The following BAP1 variants were observed in gnomAD, a reference collection of about 807,000 sequenced individuals.
The protein encoded by BAP1 is ubiquitin carboxyl-terminal hydrolase BAP1.
BAP1 carries 16 observed loss-of-function variants against 77.2 expected under a neutral mutation model. The observed-to-expected ratio is 0.21, with a 90% CI of 0.14 to 0.31. The LOEUF (loss-of-function observed/expected upper bound fraction) is 0.31. Ranked by LOEUF, BAP1 falls within the 10% of genes least tolerant of loss-of-function variation. The probability of loss-of-function intolerance (pLI) is 1.00; values close to 1 mark genes in which losing one functional copy is unlikely to be tolerated. For synonymous variants in BAP1, 362 were observed against 385.2 expected, an observed-to-expected ratio of 0.94 and a Z score of 0.71; for missense variants, 699 against 967.3, an observed-to-expected ratio of 0.72 and a Z score of 3.68.
Position 52,402,815 on chromosome 3 carries a change from G to A in BAP1, c.1947C>T (p.Cys649=), listed in dbSNP as rs1041287605. 6 of 1,614,188 alleles carry A rather than the reference G, an allele frequency of 3.7e-6. No homozygotes were observed. Among genetic ancestry groups the A allele is most frequent in the Non-Finnish European group, 5.1e-6 (6 of 1,180,042 alleles). The part of the protein sequence containing the change: ...VEAEIANYEA[C]LKEEVEKRKK... ...TCCTCTTCTCTACCTCCTCCTTGAG[G>A]CACGCCTCATAGTTTGCAATCTCAG... is the stretch of plus-strand genomic sequence containing the variant. Residue 649 remains cysteine, a synonymous_variant, in exon 15 of 17, where the codon TGC becomes TGT. Transcript: ENST00000460680. This position sits in a 1 kb window ranked among gnomAD's most constrained non-coding sequence, Gnocchi z 5.3.
intron 11 of BAP1, 94 bp from the exon 12 acceptor site, chr3:52,404,680 C>T (rs1705093227): frequency 2.6e-6 from 4 of 1,529,704 alleles, no homozygotes; most frequent in East Asian, 4.8e-5. Flanking sequence ...ACATGGTTTT[C>T]CAGACTGAGT....
rs772835408 is a variant in BAP1, at chr3:52,403,201, G to A, written c.1827C>T (p.Ser609=). Reference sequence around the variant, plus strand: ...GCCTCACCATCCCCGTCTTCTCTCTGCTGTCCGTGGCTTCCACGACCTCCT... The same window carrying A: ...GCCTCACCATCCCCGTCTTCTCTCTACTGTCCGTGGCTTCCACGACCTCCT... ...VEKEVVEATD[S]REKTGMVRPG... is the part of the protein sequence containing the mutation. The change falls in exon 14 of 17, where the codon AGC becomes AGT. Residue 609 remains serine (S), a synonymous_variant. Coordinates refer to ENST00000460680, the MANE Select transcript of BAP1 (RefSeq NM_004656.4). This position sits in a 1 kb window ranked among gnomAD's most constrained non-coding sequence, Gnocchi z 4.0. The A allele has an allele frequency of 1.1e-5, 17 of 1,614,142 alleles. No individual in the cohort carries two copies. The highest frequency in any genetic ancestry group is 1.4e-5 in the Non-Finnish European group (17 of 1,180,034).
Position 52,405,305 on chromosome 3 carries a change from G to A in BAP1, c.932-11C>T, listed in dbSNP as rs1223999018. The A allele has an allele frequency of 5.0e-6, 8 of 1,613,288 alleles. No individual in the cohort carries two copies. The highest frequency in any genetic ancestry group is 1.7e-5 in the Admixed American group (1 of 60,006). Reference sequence around the variant, plus strand: ...CCTCCTCTGCACCATCTGAGACAGGGCAAGAACACAGGCAGGACCTCCAGT... The same window carrying A: ...CCTCCTCTGCACCATCTGAGACAGGACAAGAACACAGGCAGGACCTCCAGT... On this transcript the variant is annotated splice_polypyrimidine_tract_variant and intron_variant, in intron 10 of 16. Coordinates refer to ENST00000460680, the MANE Select transcript of BAP1 (RefSeq NM_004656.4).
rs2153226334 is a variant in BAP1 at position 52,402,858 on chromosome 3, A to T, written c.1904T>A (p.Leu635Gln). 6.2e-7 allele frequency: 1 copy of T among 1,614,172 alleles called. No homozygotes were observed. Among genetic ancestry groups the T allele is most frequent in the Non-Finnish European group, 8.5e-7 (1 of 1,180,028 alleles). ...AATCTCAGCCTCCACACACTTCAGCAGTGCCAGCAGCTCCTGCCAAAACCC... is the reference window on the plus strand; with the variant it reads ...AATCTCAGCCTCCACACACTTCAGCTGTGCCAGCAGCTCCTGCCAAAACCC... ...EKYSPKELLA[L>Q]LKCVEAEIAN... Residue 635 changes from leucine (L) to glutamine (Q), a missense_variant, in exon 15 of 17, where the codon CTG becomes CAG. Physicochemically the swap from Leu to Gln is moderately radical, Grantham distance 113 (BLOSUM62 -2). This residue lies in a region of BAP1 where 475 missense variants were observed against 532.4 expected (regional missense o/e 0.89). Transcript: ENST00000460680. This position sits in a 1 kb window ranked among gnomAD's most constrained non-coding sequence, Gnocchi z 5.3.
rs1193212091 is a variant in BAP1 at position 52,406,900 on chromosome 3, C to A, written c.588G>T (p.Trp196Cys). 1.3e-6 allele frequency: 2 copies of A among 1,571,620 alleles called. No homozygotes were observed. Among genetic ancestry groups the A allele is most frequent in the Non-Finnish European group, 1.7e-6 (2 of 1,157,470 alleles). The change falls in exon 8 of 17, where the codon TGG (tryptophan) becomes TGT (cysteine). Residue 196 changes from tryptophan to cysteine, a missense_variant. By Grantham distance (215) the Trp-to-Cys change is radical (BLOSUM62 -2). Around this residue, in one of 3 missense-constraint regions of BAP1, gnomAD observed 160 missense variants for 322.8 expected, o/e 0.50. Coordinates refer to ENST00000460680, the MANE Select transcript of BAP1 (RefSeq NM_004656.4). The surrounding 1 kb of genome is among the most constrained non-coding windows in gnomAD (Gnocchi z 4.6). ...TGTCTGTCCACTCCTCGTCCTCCCCCCAGGGCCCTAGTGGAGACCAAGACA... is the reference window on the plus strand; with the variant it reads ...TGTCTGTCCACTCCTCGTCCTCCCCACAGGGCCCTAGTGGAGACCAAGACA... ...LKVYPIDHGP[W>C]GEDEEWTDKA... is the part of the protein sequence containing the mutation.
Position 52,402,487 on chromosome 3 carries a change from G to A in BAP1, c.2057-66C>T. ...TCAGGCCAGGAGCTGAGGCTCTCAT[G>A]GCCCTCCCTGTGCCCCAAGGTCTGC... On this transcript the variant is annotated intron_variant, in intron 16 of 16. Transcript: ENST00000460680. The surrounding 1 kb of genome is among the most constrained non-coding windows in gnomAD (Gnocchi z 5.3). 6.3e-7 allele frequency: 1 copy of A among 1,596,322 alleles called. No individual in the cohort carries two copies. Among genetic ancestry groups the A allele is most frequent in the South Asian group, 1.1e-5 (1 of 89,242 alleles).
rs1264275534 is a variant in BAP1 at position 52,409,604 on chromosome 3, G to T, written c.72C>A (p.Val24=). 4 of 1,613,962 alleles carry T rather than the reference G, an allele frequency of 2.5e-6. No individual in the cohort carries two copies. The highest frequency in any genetic ancestry group is 1.7e-5 in the Admixed American group (1 of 59,998). ...AGATCTCCTCCACTTGCACCCCCTT[G>T]ACACCTGCGATGAGGAAAGGAAAGC... ...LFTLLVEDFG[V]KGVQVEEIYD... Residue 24 remains valine, a synonymous_variant, in exon 3 of 17, where the codon GTC becomes GTA. Coordinates refer to ENST00000460680, the MANE Select transcript of BAP1 (RefSeq NM_004656.4).
In BAP1 at chr3:52,401,680, C is replaced by T. The variant is rs1184670519; in HGVS notation, c.*608G>A. ...CAACCCCACTGGGACACCCTACTCCCAACCCAGCCCAGTGCTGGGTCCCTG... is the reference window on the plus strand; with the variant it reads ...CAACCCCACTGGGACACCCTACTCCTAACCCAGCCCAGTGCTGGGTCCCTG... On this transcript the variant is annotated 3_prime_UTR_variant, in exon 17 of 17. Coordinates refer to ENST00000460680, the MANE Select transcript of BAP1 (RefSeq NM_004656.4). The T allele has an allele frequency of 1.3e-5, 3 of 238,152 alleles. No individual in the cohort carries two copies. The highest frequency in any genetic ancestry group is 2.5e-5 in the Non-Finnish European group (3 of 120,982). The allele number at this position is 238,152 out of a possible 1,614,324, so 14.8% of individuals were successfully genotyped here.
chr3:52,405,492 G>GAAAAAAAAA (rs71084182), intron 10 of BAP1, 198 bp from the exon 11 acceptor site: 23 of 81,248 alleles, frequency 2.8e-4, no homozygotes, highest in South Asian at 1.3e-3. Flanking sequence ...GAAGCAGGAA[G>GAAAAAAAAA]AAAAAAAAAA....
rs1477957634 is a variant in BAP1 at position 52,402,411 on chromosome 3, G to A, written c.2067C>T (p.Ala689=). Residue 689 remains alanine, a synonymous_variant, in exon 17 of 17, where the codon GCC becomes GCT. Transcript: ENST00000460680. The surrounding 1 kb of genome is among the most constrained non-coding windows in gnomAD (Gnocchi z 5.3). ...ISMLAQEGML[A]NLVEQNISVR... is the part of the protein sequence containing the mutation. ...CGGAGATGTTCTGCTCCACTAGGTTGGCCAGCATGCCTGCGAAGAGGTAGA... is the reference window on the plus strand; with the variant it reads ...CGGAGATGTTCTGCTCCACTAGGTTAGCCAGCATGCCTGCGAAGAGGTAGA... The A allele has an allele frequency of 1.3e-6, 2 of 1,567,364 alleles. No homozygotes were observed.
Position 52,401,960 on chromosome 3 carries a change from T to TA in BAP1, c.*327dup. 1 of 462,866 alleles carries TA rather than the reference T, an allele frequency of 2.2e-6. No individual in the cohort carries two copies. The highest frequency in any genetic ancestry group is 3.9e-6 in the Non-Finnish European group (1 of 254,792). The allele number at this position is 462,866 out of a possible 1,614,324, so 28.7% of individuals were successfully genotyped here. A position where few individuals can be genotyped will look rare whatever the true frequency, so the allele number is the denominator to read the frequency against. On this transcript the variant is annotated 3_prime_UTR_variant, in exon 17 of 17. Transcript: ENST00000460680. Reference sequence around the variant, plus strand: ...CATGTTGGGTTGGAGCCCAGAAAAATAGATGTCTCTGATAGGTAAAATATA... The same window carrying TA: ...CATGTTGGGTTGGAGCCCAGAAAAATAAGATGTCTCTGATAGGTAAAATATA...
In BAP1 at chr3:52,402,204, T is replaced by C; in HGVS notation, c.*84A>G. ...TCCAGCTGGGACTATTCAGTAATAC[T>C]GGGAAAAGGGGAAGTGGGGCAGGGA... is the stretch of plus-strand genomic sequence containing the variant. On this transcript the variant is annotated 3_prime_UTR_variant, in exon 17 of 17. Coordinates refer to ENST00000460680, the MANE Select transcript of BAP1 (RefSeq NM_004656.4). The surrounding 1 kb of genome is among the most constrained non-coding windows in gnomAD (Gnocchi z 5.3). 3 of 1,546,372 alleles carry C rather than the reference T, an allele frequency of 1.9e-6. No individual in the cohort carries two copies. The highest frequency in any genetic ancestry group is 2.6e-6 in the Non-Finnish European group (3 of 1,146,804).
At chr3:52,405,072 A>G in intron 11 of BAP1, 38 bp downstream of exon 11, 1 of 1,612,212 alleles carries the variant, frequency 6.2e-7, no homozygotes, top group African/African-American at 1.3e-5. Flanking sequence ...TCTCAAGAGA[A>G]TCAAGTAGAG....
chr3:52,406,628 C>G lies in BAP1; in HGVS notation c.659+201G>C. On this transcript the variant is annotated intron_variant, in intron 8 of 16. Transcript: ENST00000460680. This position sits in a 1 kb window ranked among gnomAD's most constrained non-coding sequence, Gnocchi z 4.6. ...GCCTAAGGCTCCACTGAGGCCTGCC[C>G]CTCCCCCAGCCCACCCAGGAGCAGG... 1 of 858,920 alleles carries G rather than the reference C, an allele frequency of 1.2e-6. No homozygotes were observed. The highest frequency in any genetic ancestry group is 1.8e-6 in the Non-Finnish European group (1 of 550,978). The allele number at this position is 858,920 out of a possible 1,614,324, so 53.2% of individuals were successfully genotyped here.
chr3:52,409,457 AGGGTTCCT>A (rs949785084), intron 3 of BAP1, 89 bp downstream of exon 3: 27 of 1,485,400 alleles, frequency 1.8e-5, no homozygotes, highest in Non-Finnish European at 2.5e-5. Context: ...TTTACAACGT[AGGGTTCCT>A]GGCACTGTCT....
At position 52,403,784 on chromosome 3, in the gene BAP1, T is replaced by A. The variant is rs1165855820; in HGVS notation, c.1361A>T (p.Glu454Val). ...AGGAATTGAGAGGTCCTTCTGGGAC[T>A]CTTTGAGCTTCTCAGCCAAGACGTT... ...TINVLAEKLK[E>V]SQKDLSIPLS... is the part of the protein sequence containing the mutation. Residue 454 changes from glutamate to valine, a missense_variant, in exon 13 of 17, where the codon GAG becomes GTG. Physicochemically the swap from Glu to Val is moderately radical, Grantham distance 121. Transcript: ENST00000460680. The surrounding 1 kb of genome is among the most constrained non-coding windows in gnomAD (Gnocchi z 4.0). The A allele has an allele frequency of 6.2e-7, 1 of 1,614,128 alleles. No homozygotes were observed. The highest frequency in any genetic ancestry group is 8.5e-7 in the Non-Finnish European group (1 of 1,180,030).
intron 10 of BAP1, 31 bp downstream of exon 10, chr3:52,405,734 G>A (rs759851868): frequency 6.2e-7 from 1 of 1,611,844 alleles, no homozygotes; most frequent in South Asian, 1.1e-5. Context: ...GTGGCTCTGA[G>A]GTCCACAAGA....
rs767746031 is a variant in BAP1, at chr3:52,405,152, C to T, written c.1074G>A (p.Pro358=). The change falls in exon 11 of 17, where the codon CCG becomes CCA. Residue 358 remains proline (P), a synonymous_variant. Transcript: ENST00000460680. The stretch of plus-strand genomic sequence containing the variant: ...CATAATTGTGATTGTCTAGAAAGGC[C>T]GGCAGCCGCTGGACAATGGGAGTGG... ...PNPTPIVQRL[P]AFLDNHNYAK... is the part of the protein sequence containing the mutation. 1.2e-5 allele frequency: 19 copies of T among 1,613,992 alleles called. No individual in the cohort carries two copies. The highest frequency in any genetic ancestry group is 3.3e-5 in the Admixed American group (2 of 60,008).
Position 52,402,386 on chromosome 3 carries a change from C to T in BAP1, c.2092G>A (p.Val698Met), listed in dbSNP as rs753438711. The stretch of plus-strand genomic sequence containing the variant: ...ATGCTGACCCCTTGGCGCCGCCGCA[C>T]GGAGATGTTCTGCTCCACTAGGTTG... ...LANLVEQNIS[V>M]RRRQGVSIGR... Residue 698 changes from valine to methionine, a missense_variant, in exon 17 of 17, where the codon GTG becomes ATG. Physicochemically the swap from Val to Met is conservative, Grantham distance 21. Coordinates refer to ENST00000460680, the MANE Select transcript of BAP1 (RefSeq NM_004656.4). This position sits in a 1 kb window ranked among gnomAD's most constrained non-coding sequence, Gnocchi z 5.3. 1.9e-6 allele frequency: 3 copies of T among 1,570,084 alleles called. No homozygotes were observed. The highest frequency in any genetic ancestry group is 1.3e-5 in the African/African-American group (1 of 74,160).
Sources: gnomAD v4.1 joint callset for allele counts on GRCh38, gnomAD v4.1.1 for gene constraint, gnomAD v4.1.1 regional missense constraint, Gnocchi (gnomAD v3.1) non-coding constraint, MANE v1.5 for transcripts, NCBI Gene and HGNC (gene_info 2026-07-23, HGNC 2026-07-21) for gene names.